NCOR2: variants seen among roughly 807,000 people sequenced by gnomAD.
The protein encoded by NCOR2 is nuclear receptor corepressor 2.
NCOR2 carries 81 observed loss-of-function variants against 262.9 expected under a neutral mutation model. The ratio of observed to expected loss-of-function variants is 0.31; its 90% confidence interval spans 0.26 to 0.37. NCOR2 has a LOEUF of 0.37. Among genes scored for constraint, NCOR2 ranks in the 10% least tolerant of loss-of-function variants. The probability of loss-of-function intolerance (pLI) is 1.00; values close to 1 mark genes in which losing one functional copy is unlikely to be tolerated. For synonymous variants in NCOR2, 1,659 were observed against 1,559.3 expected, an observed-to-expected ratio of 1.06 and a Z score of -1.51; for missense variants, 3,385 against 3,621.4, an observed-to-expected ratio of 0.93 and a Z score of 1.68.
In NCOR2 at chr12:124,482,090, G is replaced by C. The variant is rs893064589; in HGVS notation, c.411+1506C>G. On this transcript the variant is annotated intron_variant, in intron 3 of 46. Transcript: ENST00000405201. The surrounding 1 kb of genome is among the most constrained non-coding windows in gnomAD (Gnocchi z 6.3). ...CAACAAGAACACAGCTGCATCCGCC[G>C]GGGGAGGTTCCTGAGTGGGCTCTCA... Among the ~76,000 whole-genome samples the C allele has an allele frequency of 6.6e-6, 1 of 152,106 alleles. No homozygotes were observed. Among genetic ancestry groups the C allele is most frequent in the Admixed American group, 6.5e-5 (1 of 15,272 alleles).
chr12:124,483,811 T>A lies in NCOR2; in HGVS notation c.234-38A>T. 1 of 1,529,538 alleles carries A rather than the reference T, an allele frequency of 6.5e-7. No homozygotes were observed. Among genetic ancestry groups the A allele is most frequent in the South Asian group, 1.3e-5 (1 of 79,734 alleles). The allele number at this position is 1,529,538 out of a possible 1,614,324, so 94.7% of individuals were successfully genotyped here. On this transcript the variant is annotated intron_variant, in intron 2 of 46. Coordinates refer to ENST00000405201, the Ensembl canonical transcript of NCOR2. The surrounding 1 kb of genome is among the most constrained non-coding windows in gnomAD (Gnocchi z 6.3). ...AGGCATCCAACGTCACATAGGAGAT[T>A]GCGGCTCTGAGAACTCCCGAGGCCC...
intron 17 of NCOR2, among the ~76,000 whole-genome samples, chr12:124,379,454 G>A (rs1445563020): frequency 6.6e-6 from 1 of 152,216 alleles, no homozygotes; most frequent in South Asian, 2.1e-4. Context: ...CAGCCTTCGT[G>A]GGCTTGAACG....
chr12:124,534,635 A>G (rs1000473139), intron 1 of NCOR2, among the ~76,000 whole-genome samples: 1 of 152,206 alleles, frequency 6.6e-6, no homozygotes, highest in Admixed American at 6.5e-5. Context: ...CCCAGCCTCC[A>G]TGCGCACGAG....
exon 39 of NCOR2, chr12:124,335,545 G>T: frequency 6.2e-7 from 1 of 1,609,486 alleles, no homozygotes; most frequent in Non-Finnish European, 8.5e-7. Flanking sequence ...CAGGTGCTTG[G>T]GGAGCCCCTT....
intron 14 of NCOR2, 21 bp from the exon 17 acceptor site, chr12:124,400,694 A>T (rs1405811119): frequency 1.2e-6 from 2 of 1,609,956 alleles, no homozygotes; most frequent in African/African-American, 2.7e-5. Flanking sequence ...GAGAGGGGAG[A>T]TAGGATGGCT....
upstream of NCOR2, among the ~76,000 whole-genome samples, chr12:124,540,010 A>G (rs1036994244): frequency 2.0e-5 from 3 of 152,028 alleles, no homozygotes; most frequent in African/African-American, 7.2e-5. Flanking sequence ...ATCAACCTTC[A>G]GCTGCTCAAC....
chr12:124,449,777 G>A, intron 7 of NCOR2, 38 bp downstream of exon 9: 2 of 1,610,516 alleles, frequency 1.2e-6, no homozygotes, highest in Admixed American at 1.7e-5. Flanking sequence ...CGCCCACCCT[G>A]CCTCTGTGTG....
intron 34 of NCOR2, 21 bp downstream of exon 36, chr12:124,341,802 G>T (rs1163481443): frequency 1.9e-6 from 3 of 1,584,614 alleles, no homozygotes; most frequent in Non-Finnish European, 1.7e-6. Context: ...CCCAGCGGAG[G>T]TGGTCTGCCC....
At chr12:124,464,638 T>C (rs1052974685) in intron 5 of NCOR2, among the ~76,000 whole-genome samples, 2 of 152,230 alleles carry the variant, frequency 1.3e-5, no homozygotes, top group Admixed American at 6.5e-5. Flanking sequence ...TGACAATTAA[T>C]AGCACCAGCT....
chr12:124,445,935 G>A (rs570540599), intron 7 of NCOR2, among the ~76,000 whole-genome samples: 12 of 152,224 alleles, frequency 7.9e-5, no homozygotes, highest in Admixed American at 6.5e-4. Flanking sequence ...GAGCCCTAGA[G>A]GGCAAGTGAC....
intron 13 of NCOR2, among the ~76,000 whole-genome samples, chr12:124,414,900 T>C (rs114270956): frequency 0.032 from 4,890 of 151,220 alleles, 250 homozygotes; most frequent in African/African-American, 0.1. Flanking sequence ...GTGAGGGGAG[T>C]GGGGCTGGGC....
chr12:124,338,149 G>A (rs189540890), intron 37 of NCOR2, among the ~76,000 whole-genome samples: 5 of 152,276 alleles, frequency 3.3e-5, no homozygotes, highest in East Asian at 3.9e-4. Flanking sequence ...GCATCCAAGC[G>A]GCAAGTTGGG....
At chr12:124,496,427 C>T (rs900347185), upstream of NCOR2, among the ~76,000 whole-genome samples, 6 of 152,138 alleles carry the variant, frequency 3.9e-5, no homozygotes, top group African/African-American at 9.7e-5. The surrounding 1 kb of genome is among the most constrained non-coding windows in gnomAD (Gnocchi z 4.4). Flanking sequence ...GCACACACCC[C>T]CCAGAGCTGA....
At chr12:124,462,076 T>C (rs1042807983) in intron 5 of NCOR2, among the ~76,000 whole-genome samples, 1 of 152,152 alleles carries the variant, frequency 6.6e-6, no homozygotes, top group Non-Finnish European at 1.5e-5. Context: ...ACTCTTACTC[T>C]AAGTATTCAC....
At chr12:124,448,543 G>T (rs184387868) in intron 7 of NCOR2, among the ~76,000 whole-genome samples, 3 of 152,108 alleles carry the variant, frequency 2.0e-5, no homozygotes, top group African/African-American at 7.2e-5. Context: ...TGACCCCCCC[G>T]CCAGCCACGC....
Position 124,327,494 on chromosome 12 carries a change from GT to G in NCOR2, c.7097del (p.Asn2366ThrfsTer3). ...GCAGGCTGGCACTGGCATTCAGAGGGTTAAAAGCATTGGCGCTGAGCGGCGG... is the reference window on the plus strand; with the variant it reads ...GCAGGCTGGCACTGGCATTCAGAGGGTAAAAGCATTGGCGCTGAGCGGCGG... On this transcript the variant is annotated frameshift_variant, in exon 45 of 47. Coordinates refer to ENST00000405201, the Ensembl canonical transcript of NCOR2. LOFTEE classifies it high-confidence loss of function. 6.2e-7 allele frequency: 1 copy of G among 1,613,786 alleles called. No homozygotes were observed.
chr12:124,426,692 T>G (rs1310061215), exon 11 of NCOR2: 1 of 1,611,886 alleles, frequency 6.2e-7, no homozygotes, highest in African/African-American at 1.3e-5. Context: ...TACACCTTCA[T>G]GGGGTCGGCC....
At chr12:124,439,702 T>C (rs2044705441) in intron 7 of NCOR2, among the ~76,000 whole-genome samples, 1 of 139,512 alleles carries the variant, frequency 7.2e-6, no homozygotes. Flanking sequence ...GACTGAGAGG[T>C]GAGACTGGAG....
At chr12:124,372,394 G>A in exon 20 of NCOR2, 1 of 1,503,032 alleles carries the variant, frequency 6.7e-7, no homozygotes, top group Non-Finnish European at 8.8e-7. Flanking sequence ...GGGCGATGGG[G>A]GTGCTGGTGG....
Sources: allele counts gnomAD v4.1 joint callset (sites outside exome capture counted in the v4.1 genomes callset), GRCh38; gene constraint gnomAD v4.1.1; non-coding constraint Gnocchi (gnomAD v3.1); transcripts MANE v1.5; gene names NCBI Gene and HGNC (gene_info 2026-07-23, HGNC 2026-07-21).